Variants in RAB11FIP4 observed in about 807,000 individuals in gnomAD.
The protein encoded by RAB11FIP4 is rab11 family-interacting protein 4.
RAB11FIP4 carries 23 observed loss-of-function variants against 74.3 expected under a neutral mutation model. That is an observed-to-expected ratio of 0.31 (90% CI 0.22 to 0.44). The LOEUF is 0.44. RAB11FIP4 is among the 20% of genes least tolerant of loss of function. The pLI is 1.00. For missense variants in RAB11FIP4, 630 were observed against 863.9 expected (o/e 0.73, Z 3.39); for synonymous variants, 360 against 359.9 (o/e 1.00, Z 0.00).
At chr17:31,508,360 T>G (rs1019050982) in intron 3 of RAB11FIP4, among the ~76,000 whole-genome samples, 11 of 152,232 alleles carry the variant, frequency 7.2e-5, no homozygotes, top group African/African-American at 2.7e-4. Context: ...GCTCACTGAT[T>G]GTCCCTAAAT....
Position 31,517,746 on chromosome 17 carries a change from G to T in RAB11FIP4, c.432G>T (p.Leu144=), listed in dbSNP as rs1221677486. The change falls in exon 4 of 15, where the codon CTG becomes CTT. Residue 144 remains leucine (L), a synonymous_variant. Transcript: ENST00000621161. ...AGGACGAGGAGGAGGCTATGACGCT[G>T]GCGCCACCTGAGGGCCCCCAGGAGT... ...FPEDEEEAMT[L]APPEGPQELY... is the part of the protein sequence containing the mutation. 1 of 1,586,760 alleles carries T rather than the reference G, an allele frequency of 6.3e-7. No individual in the cohort carries two copies. The highest frequency in any genetic ancestry group is 8.6e-7 in the Non-Finnish European group (1 of 1,166,832).
chr17:31,499,967 T>G (rs1190119306), intron 3 of RAB11FIP4, among the ~76,000 whole-genome samples: 1 of 152,146 alleles, frequency 6.6e-6, no homozygotes, highest in Non-Finnish European at 1.5e-5. Context: ...TAAGTTCTGT[T>G]TTCTTAATCC....
At position 31,528,453 on chromosome 17, in the gene RAB11FIP4, C is replaced by T. The variant is rs1424629099; in HGVS notation, c.1404C>T (p.Leu468=). The change falls in exon 12 of 15, where the codon CTC becomes CTT. Residue 468 remains leucine (L), a synonymous_variant. Transcript: ENST00000621161. The part of the protein sequence containing the change: ...SDRLEDTSLR[L]KDEMDLYKRM... The stretch of plus-strand genomic sequence containing the variant: ...GTCTGGAGGACACCAGCCTGCGGCT[C>T]AAAGATGAGATGGACCTGTACAAGC... 1 of 1,613,480 alleles carries T rather than the reference C, an allele frequency of 6.2e-7. No individual in the cohort carries two copies. Among genetic ancestry groups the T allele is most frequent in the Non-Finnish European group, 8.5e-7 (1 of 1,180,040 alleles).
At chr17:31,403,328 C>CTT (rs565010724) in intron 1 of RAB11FIP4, among the ~76,000 whole-genome samples, 1 of 146,844 alleles carries the variant, frequency 6.8e-6, no homozygotes, top group Admixed American at 6.8e-5. Context: ...TTCTTTCTTT[C>CTT]TTTTTTTTTT....
At chr17:31,488,247 G>T (rs1037184535) in intron 3 of RAB11FIP4, 18 of 1,163,320 alleles carry the variant, frequency 1.5e-5, no homozygotes, top group Non-Finnish European at 1.8e-5. Flanking sequence ...CCGCGGATGC[G>T]CACCCCGCCA....
intron 3 of RAB11FIP4, among the ~76,000 whole-genome samples, chr17:31,445,346 CATA>C (rs2142692156): frequency 7.0e-6 from 1 of 143,744 alleles, no homozygotes; most frequent in South Asian, 2.5e-4. Flanking sequence ...CATGTGCATA[CATA>C]CTACTTTTTT....
chr17:31,510,521 G>A (rs569566171), intron 3 of RAB11FIP4, among the ~76,000 whole-genome samples: 3 of 152,370 alleles, frequency 2.0e-5, no homozygotes, highest in East Asian at 1.9e-4. Flanking sequence ...GAATGAGGCC[G>A]TTGCCAGGGC....
At chr17:31,518,250 T>C (rs2072596586) in intron 4 of RAB11FIP4, among the ~76,000 whole-genome samples, 1 of 150,966 alleles carries the variant, frequency 6.6e-6, no homozygotes, top group Non-Finnish European at 1.5e-5. Flanking sequence ...CCCAGGACTT[T>C]GGGAGGCTGA....
intron 1 of RAB11FIP4, among the ~76,000 whole-genome samples, chr17:31,395,829 G>T (rs1341075793): frequency 6.6e-6 from 1 of 152,148 alleles, no homozygotes; most frequent in African/African-American, 2.4e-5. Flanking sequence ...TGTTATTTAT[G>T]GATTAGGTTA....
At chr17:31,407,239 G>A (rs879504154) in intron 1 of RAB11FIP4, among the ~76,000 whole-genome samples, 3 of 151,452 alleles carry the variant, frequency 2.0e-5, no homozygotes, top group South Asian at 2.1e-4. Context: ...GTAGAAATGG[G>A]GGTCTCACTA....
intron 3 of RAB11FIP4, among the ~76,000 whole-genome samples, chr17:31,472,203 G>A (rs1248916564): frequency 6.6e-6 from 1 of 151,556 alleles, no homozygotes; most frequent in Non-Finnish European, 1.5e-5. Flanking sequence ...CAGGAAAGGG[G>A]CTGCCCACCT....
At chr17:31,504,671 C>T (rs1288289888) in intron 3 of RAB11FIP4, among the ~76,000 whole-genome samples, 1 of 152,194 alleles carries the variant, frequency 6.6e-6, no homozygotes, top group East Asian at 1.9e-4. Context: ...CAACTATATG[C>T]CATTAACACA....
At chr17:31,415,451 G>A (rs971224681) in intron 1 of RAB11FIP4, among the ~76,000 whole-genome samples, 11 of 152,176 alleles carry the variant, frequency 7.2e-5, no homozygotes, top group Non-Finnish European at 1.5e-4. Context: ...TACTTGTTCC[G>A]TGGTGAAGCT....
chr17:31,508,694 G>C (rs2072399102), intron 3 of RAB11FIP4, among the ~76,000 whole-genome samples: 1 of 128,546 alleles, frequency 7.8e-6, no homozygotes, highest in Non-Finnish European at 1.6e-5. Context: ...TCTGTCTTTA[G>C]ATCCCTTAGT....
intron 3 of RAB11FIP4, among the ~76,000 whole-genome samples, chr17:31,484,318 G>A (rs544356109): frequency 1.3e-5 from 2 of 151,726 alleles, no homozygotes; most frequent in Admixed American, 6.6e-5. Context: ...TGATCTGCCC[G>A]CCTCGGCCTC....
chr17:31,440,068 A>G (rs12951187), intron 3 of RAB11FIP4, among the ~76,000 whole-genome samples: 19,283 of 152,156 alleles, frequency 0.13, 1,368 homozygotes, highest in African/African-American at 0.2. Context: ...TGCCATTTGC[A>G]TTTTGTGTAT....
At chr17:31,462,524 T>A (rs1364982866) in intron 3 of RAB11FIP4, among the ~76,000 whole-genome samples, 10 of 152,220 alleles carry the variant, frequency 6.6e-5, no homozygotes, top group Admixed American at 6.5e-4. Flanking sequence ...CGAGGTCTCA[T>A]AGCTGGCTGG....
At chr17:31,496,849 G>A (rs932387372) in intron 3 of RAB11FIP4, among the ~76,000 whole-genome samples, 3 of 152,186 alleles carry the variant, frequency 2.0e-5, no homozygotes, top group African/African-American at 7.2e-5. Context: ...TTGTCCATGG[G>A]GTGCTGGATG....
chr17:31,416,922 A>C (rs2071153535), intron 1 of RAB11FIP4, among the ~76,000 whole-genome samples: 1 of 152,064 alleles, frequency 6.6e-6, no homozygotes. Context: ...GCCCATATTC[A>C]GGATAAAGCA....
Sources: allele counts gnomAD v4.1 joint callset (sites outside exome capture counted in the v4.1 genomes callset), GRCh38; gene constraint gnomAD v4.1.1; transcripts MANE v1.5; gene names NCBI Gene and HGNC (gene_info 2026-07-23, HGNC 2026-07-21).